KIF16B: variants seen among roughly 807,000 people sequenced by gnomAD.
KIF16B encodes the protein kinesin-like protein KIF16B.
KIF16B carries 98 observed loss-of-function variants against 156.3 expected under a neutral mutation model. The observed-to-expected ratio is 0.63, with a 90% confidence interval of 0.53 to 0.74. KIF16B has a LOEUF of 0.74. Ranked by LOEUF, KIF16B falls within the 30% of genes least tolerant of loss-of-function variation. The probability of loss-of-function intolerance (pLI) is 0.00; values close to 1 mark genes in which losing one functional copy is unlikely to be tolerated. For synonymous variants in KIF16B, 564 were observed against 583.7 expected (o/e 0.97, Z 0.49); for missense variants, 1,421 against 1,606.5 (o/e 0.88, Z 1.97).
chr20:16,414,121 T>G (rs144243363), intron 15 of KIF16B, among the ~76,000 whole-genome samples: 72 of 152,214 alleles, frequency 4.7e-4, no homozygotes, highest in African/African-American at 1.7e-3. Flanking sequence ...GGCCTTAGAC[T>G]TGGTGACACA....
At chr20:16,335,789 AAGTAAGACTT>A in intron 24 of KIF16B, 127 bp downstream of exon 24, 1 of 514,706 alleles carries the variant, frequency 1.9e-6, no homozygotes, top group Admixed American at 3.6e-5. Context: ...TGGGTTATTG[AAGTAAGACTT>A]AGTGACACTA....
intron 3 of KIF16B, among the ~76,000 whole-genome samples, chr20:16,516,807 C>T (rs2069158750): frequency 6.6e-6 from 1 of 152,320 alleles, no homozygotes; most frequent in East Asian, 1.9e-4. Context: ...ATGGCCAGGC[C>T]AGTAACCCAG....
At chr20:16,560,795 A>C (rs1364808882) in intron 1 of KIF16B, among the ~76,000 whole-genome samples, 1 of 152,112 alleles carries the variant, frequency 6.6e-6, no homozygotes, top group African/African-American at 2.4e-5. Flanking sequence ...AAAAAAAAAG[A>C]AAAAAAGCTC....
At chr20:16,470,039 T>A (rs762287143) in intron 12 of KIF16B, among the ~76,000 whole-genome samples, 2 of 151,958 alleles carry the variant, frequency 1.3e-5, no homozygotes, top group African/African-American at 4.8e-5. Flanking sequence ...TGAAAAGATA[T>A]GGAGGAATAT....
chr20:16,349,448 C>A (rs2064293869), intron 23 of KIF16B, among the ~76,000 whole-genome samples: 1 of 152,216 alleles, frequency 6.6e-6, no homozygotes, highest in African/African-American at 2.4e-5. Context: ...AGGGCACACA[C>A]CTGCCCTAAG....
chr20:16,451,552 C>T (rs2067081546), intron 12 of KIF16B, among the ~76,000 whole-genome samples: 1 of 150,830 alleles, frequency 6.6e-6, no homozygotes, highest in African/African-American at 2.4e-5. Flanking sequence ...AAAACCACCA[C>T]CACCACAACA....
intron 17 of KIF16B, chr20:16,382,114 C>T (rs753190524): frequency 1.5e-6 from 2 of 1,354,706 alleles, no homozygotes; most frequent in Non-Finnish European, 2.0e-6. Flanking sequence ...CAGATGGGTC[C>T]TTTTATAGGG....
intron 23 of KIF16B, among the ~76,000 whole-genome samples, chr20:16,355,810 T>C (rs1346990355): frequency 6.6e-6 from 1 of 152,196 alleles, no homozygotes; most frequent in Admixed American, 6.5e-5. Context: ...TAATTCATAA[T>C]AGAAACAACA....
intron 11 of KIF16B, 59 bp from the exon 12 acceptor site, chr20:16,494,409 T>C (rs2068387263): frequency 4.4e-6 from 5 of 1,148,124 alleles, no homozygotes; most frequent in Middle Eastern, 4.0e-4. Flanking sequence ...AATTTTCTTC[T>C]AGTTTCCGAA....
At chr20:16,335,384 T>C (rs2064017807) in intron 24 of KIF16B, among the ~76,000 whole-genome samples, 1 of 152,224 alleles carries the variant, frequency 6.6e-6, no homozygotes, top group South Asian at 2.1e-4. Flanking sequence ...TAATACCCTC[T>C]GGATATTTGA....
intron 24 of KIF16B, among the ~76,000 whole-genome samples, chr20:16,315,727 T>C (rs1299993852): frequency 6.6e-6 from 1 of 152,106 alleles, no homozygotes; most frequent in East Asian, 1.9e-4. Context: ...ACAAAGTTAG[T>C]TAGCAACTAT....
intron 2 of KIF16B, 21 bp downstream of exon 2, chr20:16,528,350 C>T: frequency 6.3e-7 from 1 of 1,599,506 alleles, no homozygotes; most frequent in South Asian, 1.1e-5. Flanking sequence ...GGAACTTAAG[C>T]AAGGCCAGGT....
At chr20:16,501,358 G>T (rs1296814757) in intron 10 of KIF16B, among the ~76,000 whole-genome samples, 1 of 94,154 alleles carries the variant, frequency 1.1e-5, no homozygotes, top group Non-Finnish European at 2.3e-5. Context: ...TGAATTCTTG[G>T]TTCAATACCA....
At chr20:16,275,043 T>C (rs1252010321) in intron 25 of KIF16B, among the ~76,000 whole-genome samples, 6 of 151,610 alleles carry the variant, frequency 4.0e-5, no homozygotes, top group East Asian at 3.9e-4. Flanking sequence ...AACTGGTGCA[T>C]GATAAATTGT....
chr20:16,433,295 C>T (rs1046897528), intron 12 of KIF16B, among the ~76,000 whole-genome samples: 1 of 151,898 alleles, frequency 6.6e-6, no homozygotes, highest in African/African-American at 2.4e-5. Context: ...GGAAAGTGAC[C>T]ATTCTCGTAA....
chr20:16,349,689 G>A (rs181396897), intron 23 of KIF16B, among the ~76,000 whole-genome samples: 6 of 152,316 alleles, frequency 3.9e-5, no homozygotes, highest in Non-Finnish European at 8.8e-5. Flanking sequence ...ATTGTTCCAC[G>A]ACTTTGTCAG....
intron 12 of KIF16B, among the ~76,000 whole-genome samples, chr20:16,491,109 C>T (rs1000713692): frequency 2.6e-5 from 4 of 151,958 alleles, no homozygotes; most frequent in Non-Finnish European, 5.9e-5. Flanking sequence ...GAGGAGTGAT[C>T]GGGGGAGGCG....
At chr20:16,314,899 C>G (rs1357914446) in intron 24 of KIF16B, among the ~76,000 whole-genome samples, 3 of 152,152 alleles carry the variant, frequency 2.0e-5, no homozygotes, top group Non-Finnish European at 4.4e-5. Context: ...ACAAGAAGAG[C>G]TCATCTTCTG....
chr20:16,356,641 G>T (rs942583979), intron 22 of KIF16B, among the ~76,000 whole-genome samples, 189 bp from the exon 23 acceptor site: 3 of 152,186 alleles, frequency 2.0e-5, no homozygotes, highest in Non-Finnish European at 4.4e-5. Flanking sequence ...ATAACAAAAA[G>T]ACCATTATTT....
Sources: allele counts gnomAD v4.1 joint callset (sites outside exome capture counted in the v4.1 genomes callset), GRCh38; gene constraint gnomAD v4.1.1; transcripts MANE v1.5; gene names NCBI Gene and HGNC (gene_info 2026-07-23, HGNC 2026-07-21).